Variants in DAGLB observed in about 807,000 individuals in gnomAD.
DAGLB encodes the protein diacylglycerol lipase-beta.
A neutral mutation model predicts 72.1 loss-of-function variants in DAGLB; 66 were observed. That is an observed-to-expected ratio of 0.92 (90% CI 0.75 to 1.12). DAGLB has a LOEUF of 1.12. Ranked by LOEUF, DAGLB falls within the 50% of genes most tolerant of loss-of-function variation. DAGLB has a pLI of 0.00. For synonymous variants in DAGLB, 414 were observed against 359.5 expected (o/e 1.15, Z -1.71); for missense variants, 1,065 against 884.9 (o/e 1.20, Z -2.58).
intron 4 of DAGLB, among the ~76,000 whole-genome samples, chr7:6,434,325 G>A (rs993297827): frequency 1.3e-5 from 2 of 151,948 alleles, no homozygotes; most frequent in African/African-American, 4.8e-5. Flanking sequence ...TATTCAAACT[G>A]TCTTCCAAAA....
At chr7:6,438,502 AAC>A (rs1491375802) in intron 2 of DAGLB, among the ~76,000 whole-genome samples, 1 of 152,100 alleles carries the variant, frequency 6.6e-6, no homozygotes, top group African/African-American at 2.4e-5. Flanking sequence ...GAAAAAAAAA[AAC>A]ACAGTCCTAT....
chr7:6,445,715 G>C (rs372035409), intron 2 of DAGLB: 1 of 333,698 alleles, frequency 3.0e-6, no homozygotes, highest in African/African-American at 2.1e-5. Flanking sequence ...CACCCACCTC[G>C]GCTTCCCAAA....
intron 5 of DAGLB, among the ~76,000 whole-genome samples, 178 bp from the exon 6 acceptor site, chr7:6,430,785 T>G (rs1414055282): frequency 1.5e-5 from 2 of 137,782 alleles, no homozygotes; most frequent in Admixed American, 1.4e-4. Flanking sequence ...GGACTCCTCA[T>G]TTTTTTTTTT....
At chr7:6,428,621 T>A (rs1250048003) in intron 6 of DAGLB, among the ~76,000 whole-genome samples, 1 of 150,618 alleles carries the variant, frequency 6.6e-6, no homozygotes, top group Non-Finnish European at 1.5e-5. Flanking sequence ...CGAGTAGCTG[T>A]GATTACAGGT....
At chr7:6,439,977 A>G (rs1222646229) in intron 2 of DAGLB, among the ~76,000 whole-genome samples, 1 of 151,186 alleles carries the variant, frequency 6.6e-6, no homozygotes, top group East Asian at 1.9e-4. Flanking sequence ...GGTCGAACCC[A>G]AGAGGTAGAG....
In DAGLB at chr7:6,415,279, T is replaced by C. The variant is rs61061071; in HGVS notation, c.1427+1348A>G. ...ATTCATTATTCTGAACACTTCTTTA[T>C]TGAGGGAAAGATTTAAGCACTTATA... is the stretch of plus-strand genomic sequence containing the variant. On this transcript the variant is annotated intron_variant, in intron 11 of 14. Transcript: ENST00000297056. Among the ~76,000 whole-genome samples the C allele has an allele frequency of 1.2e-3, 190 of 152,204 alleles. 4 individuals carry two copies. The East Asian group carries it at 0.036, about 28-fold the overall frequency.
chr7:6,422,261 C>A (rs1007418178), intron 8 of DAGLB: 26 of 304,450 alleles, frequency 8.5e-5, no homozygotes, highest in African/African-American at 5.6e-4. Flanking sequence ...GCAGGGGCAG[C>A]TCCCTGGAGG....
intron 4 of DAGLB, among the ~76,000 whole-genome samples, chr7:6,434,470 A>C (rs1170842334): frequency 1.3e-5 from 2 of 152,142 alleles, no homozygotes; most frequent in Non-Finnish European, 2.9e-5. Context: ...CTCAAAGGGT[A>C]CAGCGTCCGT....
chr7:6,421,841 G>A, intron 8 of DAGLB, 37 bp from the exon 9 acceptor site: 1 of 1,604,516 alleles, frequency 6.2e-7, no homozygotes. Flanking sequence ...CCGTCAGCCT[G>A]TGATGGGCAG....
At chr7:6,434,345 T>C (rs1377404522) in intron 4 of DAGLB, among the ~76,000 whole-genome samples, 1 of 152,124 alleles carries the variant, frequency 6.6e-6, no homozygotes, top group African/African-American at 2.4e-5. Context: ...AGTAGCATCG[T>C]CGATCATTTC....
At chr7:6,424,215 G>A (rs970247211) in intron 8 of DAGLB, among the ~76,000 whole-genome samples, 7 of 152,240 alleles carry the variant, frequency 4.6e-5, no homozygotes, top group African/African-American at 1.2e-4. Context: ...CATCTCCAAG[G>A]GGCCCAGGAG....
chr7:6,412,758 C>A, intron 13 of DAGLB, 53 bp downstream of exon 13: 1 of 1,547,020 alleles, frequency 6.5e-7, no homozygotes. Flanking sequence ...TCCACAGGAT[C>A]TCAGGGACAG....
At chr7:6,432,078 T>G (rs1412438758) in intron 5 of DAGLB, among the ~76,000 whole-genome samples, 1 of 151,836 alleles carries the variant, frequency 6.6e-6, no homozygotes, top group African/African-American at 2.4e-5. Context: ...AGGCCCGGTG[T>G]GGTGGCTCAT....
intron 8 of DAGLB, among the ~76,000 whole-genome samples, chr7:6,424,130 A>C (rs1430955606): frequency 6.6e-6 from 1 of 152,208 alleles, no homozygotes; most frequent in Non-Finnish European, 1.5e-5. Context: ...GAAGAACGGG[A>C]AGTGAGACTG....
intron 9 of DAGLB, among the ~76,000 whole-genome samples, chr7:6,420,689 CGAACAGT>C (rs1184489471): frequency 6.6e-6 from 1 of 151,282 alleles, no homozygotes; most frequent in Non-Finnish European, 1.5e-5. Flanking sequence ...TAACGACCAA[CGAACAGT>C]GAAACTGACC....
At chr7:6,447,098 C>T (rs139419879) in intron 1 of DAGLB, among the ~76,000 whole-genome samples, 1 of 152,322 alleles carries the variant, frequency 6.6e-6, no homozygotes, top group Non-Finnish European at 1.5e-5. Flanking sequence ...CTCAGCCTCT[C>T]AATGTGCTGA....
intron 9 of DAGLB, 130 bp from the exon 10 acceptor site, chr7:6,417,051 AGCCAC>A: frequency 9.6e-7 from 1 of 1,039,854 alleles, no homozygotes; most frequent in Non-Finnish European, 1.4e-6. Flanking sequence ...CAGAATCAGC[AGCCAC>A]GTCCATCGTG....
chr7:6,410,765 A>G (rs962883060), intron 13 of DAGLB, among the ~76,000 whole-genome samples: 4 of 152,098 alleles, frequency 2.6e-5, no homozygotes, highest in African/African-American at 4.8e-5. Context: ...CTGGAGCGCA[A>G]TGGCGTGATC....
At chr7:6,437,117 G>A (rs1784685136) in intron 2 of DAGLB, among the ~76,000 whole-genome samples, 1 of 148,876 alleles carries the variant, frequency 6.7e-6, no homozygotes, top group African/African-American at 2.5e-5. Flanking sequence ...TTGCGCCACT[G>A]CACTCTAGTC....
Sources: allele counts gnomAD v4.1 joint callset (sites outside exome capture counted in the v4.1 genomes callset), GRCh38; gene constraint gnomAD v4.1.1; transcripts MANE v1.5; gene names NCBI Gene and HGNC (gene_info 2026-07-23, HGNC 2026-07-21).